AAAS: variants seen among roughly 807,000 people sequenced by gnomAD.
AAAS encodes the protein aladin WD repeat nucleoporin.
AAAS carries 60 observed loss-of-function variants against 75.6 expected under a neutral mutation model. The observed-to-expected ratio is 0.79, with a 90% CI of 0.64 to 0.98. The LOEUF is 0.98. AAAS is among the 50% of genes least tolerant of loss of function. The pLI, the probability that AAAS is intolerant of heterozygous loss-of-function variation, is 0.00. For missense variants in AAAS, 658 were observed against 686.9 expected (o/e 0.96, Z 0.47); for synonymous variants, 271 against 265.0 (o/e 1.02, Z -0.22).
chr12:53,314,407 G>A lies in AAAS; in HGVS notation c.580C>T (p.Arg194Ter), dbSNP rs750775106. The A allele has an allele frequency of 6.8e-6, 11 of 1,614,166 alleles. No individual in the cohort carries two copies. In the South Asian group the frequency reaches 9.9e-5, roughly 14 times the overall value. ...IVPSLKHRLQRNVASLAWKPL... is the reference protein window; with the variant it reads ...IVPSLKHRLQ The stretch of plus-strand genomic sequence containing the variant: ...TTCCAGGCCAGAGACGCCACATTTC[G>A]CTGCAGCCGGTGCTTCAGGGAGGGG... The change falls in exon 7 of 16, where the codon CGA becomes TGA. Residue 194 changes from arginine (R) to a stop codon, truncating the protein, a stop_gained. Coordinates refer to ENST00000209873, the MANE Select transcript of AAAS (RefSeq NM_015665.6). LOFTEE classifies it high-confidence loss of function.
intron 2 of AAAS, among the ~76,000 whole-genome samples, chr12:53,316,011 G>C (rs1297507548): frequency 6.6e-6 from 1 of 152,182 alleles, no homozygotes; most frequent in Non-Finnish European, 1.5e-5. Flanking sequence ...AGGACTTTTG[G>C]GGCTTTGTGA....
intron 5 of AAAS, 100 bp downstream of exon 5, chr12:53,314,994 G>A: frequency 6.7e-7 from 1 of 1,500,916 alleles, no homozygotes; most frequent in South Asian, 1.1e-5. Context: ...AGAATATGGT[G>A]AGCAATCAGA....
In AAAS at chr12:53,315,789, A is replaced by T. The variant is rs778189753; in HGVS notation, c.252-7T>A. On this transcript the variant is annotated splice_polypyrimidine_tract_variant and splice_region_variant and intron_variant, in intron 2 of 15. Transcript: ENST00000209873. ...AAAAAGGCCCACATCACGCCTGATA[A>T]GGGAGGAAAATGTGGGTCAGCTTAC... is the stretch of plus-strand genomic sequence containing the variant. 6.2e-7 allele frequency: 1 copy of T among 1,613,572 alleles called. No homozygotes were observed. The highest frequency in any genetic ancestry group is 2.2e-5 in the East Asian group (1 of 44,882).
At chr12:53,308,641 C>T in intron 11 of AAAS, 84 bp downstream of exon 11, 2 of 1,597,810 alleles carry the variant, frequency 1.3e-6, no homozygotes, top group Non-Finnish European at 1.7e-6. Flanking sequence ...TCTATATTTC[C>T]CTTTATCCCT....
intron 2 of AAAS, among the ~76,000 whole-genome samples, chr12:53,316,234 G>A (rs892197539): frequency 9.2e-5 from 14 of 152,034 alleles, no homozygotes; most frequent in Non-Finnish European, 1.6e-4. Context: ...GGTGGATCAC[G>A]AGGTCAGGAA....
In AAAS at chr12:53,321,412, T is replaced by C; in HGVS notation, c.54A>G (p.Leu18=). The change falls in exon 1 of 16, where the codon CTA becomes CTG. Residue 18 remains leucine (L), a synonymous_variant. Transcript: ENST00000209873. ...TCACCAGCTCGTTATTGTGCTCATA[T>C]AGGGTGACTTGACCCCGAGGCGGTG... is the stretch of plus-strand genomic sequence containing the variant. ...PPPPPRGQVT[L]YEHNNELVTG... is the part of the protein sequence containing the mutation. 6.2e-7 allele frequency: 1 copy of C among 1,614,196 alleles called. No homozygotes were observed. The highest frequency in any genetic ancestry group is 8.5e-7 in the Non-Finnish European group (1 of 1,180,042).
chr12:53,308,409 GC>G (rs754399014), intron 12 of AAAS, 25 bp downstream of exon 12: 1 of 1,614,028 alleles, frequency 6.2e-7, no homozygotes, highest in African/African-American at 1.3e-5. Flanking sequence ...GCTTTTCACT[GC>G]CACTCCCTCA....
intron 1 of AAAS, chr12:53,321,045 C>T (rs1944545861): frequency 5.4e-6 from 3 of 552,516 alleles, no homozygotes; most frequent in South Asian, 2.1e-5. Context: ...CCTTCTGATC[C>T]TCCCCAGATA....
intron 3 of AAAS, 69 bp downstream of exon 3, chr12:53,315,658 G>A (rs2136812544): frequency 1.3e-6 from 2 of 1,561,312 alleles, no homozygotes; most frequent in East Asian, 4.5e-5. Context: ...CAGGTGTCGG[G>A]GGTGAGTTCA....
rs754500686 is a variant in AAAS, at chr12:53,307,476, A to AACTT, written c.*9_*12dup. ...GTAACTGAGTGGAAAACAAAAGGAAAACTTATTTATTCTTAGAGGTGGGAA... is the reference window on the plus strand; with the variant it reads ...GTAACTGAGTGGAAAACAAAAGGAAAACTTACTTATTTATTCTTAGAGGTGGGAA... On this transcript the variant is annotated 3_prime_UTR_variant, in exon 16 of 16. Coordinates refer to ENST00000209873, the MANE Select transcript of AAAS (RefSeq NM_015665.6). The AACTT allele has an allele frequency of 4.4e-4, 702 of 1,606,038 alleles. No individual in the cohort carries two copies. The highest frequency in any genetic ancestry group is 5.5e-4 in the Non-Finnish European group (651 of 1,174,360).
At chr12:53,308,209 A>C in intron 13 of AAAS, 73 bp downstream of exon 13, 1 of 1,611,704 alleles carries the variant, frequency 6.2e-7, no homozygotes. Context: ...GGAGAACTCC[A>C]GGCCAGGGCA....
rs1944438791 is a variant in AAAS, at chr12:53,314,801, C to G, written c.495G>C (p.Lys165Asn). 1 of 1,613,834 alleles carries G rather than the reference C, an allele frequency of 6.2e-7. No homozygotes were observed. Among genetic ancestry groups the G allele is most frequent in the Admixed American group, 1.7e-5 (1 of 59,950 alleles). The change falls in exon 6 of 16, where the codon AAG (lysine) becomes AAC (asparagine). Residue 165 changes from lysine (K) to asparagine (N), a missense_variant. Coordinates refer to ENST00000209873, the MANE Select transcript of AAAS (RefSeq NM_015665.6). Reference sequence around the variant, plus strand: ...AGTCATCTAGCAGGGCCACTGCAAACTTGTTGGTGTGGGGGTGCCATGCAA... The same window carrying G: ...AGTCATCTAGCAGGGCCACTGCAAAGTTGTTGGTGTGGGGGTGCCATGCAA... Reference protein sequence around the residue: ...RVFAWHPHTNKFAVALLDDSV... With the variant: ...RVFAWHPHTNNFAVALLDDSV...
intron 8 of AAAS, 85 bp from the exon 9 acceptor site, chr12:53,309,366 C>T: frequency 5.0e-6 from 8 of 1,590,762 alleles, no homozygotes; most frequent in Non-Finnish European, 8.6e-7. Context: ...TACAAAGAGC[C>T]AGAAACGAGA....
At chr12:53,317,601 G>A (rs1592521487) in intron 2 of AAAS, among the ~76,000 whole-genome samples, 1 of 151,854 alleles carries the variant, frequency 6.6e-6, no homozygotes, top group Non-Finnish European at 1.5e-5. Context: ...AAATTAACCA[G>A]GCGTGGTGGT....
At chr12:53,320,853 T>C in intron 1 of AAAS, 161 bp from the exon 2 acceptor site, 2 of 773,246 alleles carry the variant, frequency 2.6e-6, no homozygotes, top group Non-Finnish European at 4.3e-6. Flanking sequence ...AAACAAGTCT[T>C]AGCTCCCGTA....
chr12:53,307,568 G>T lies in AAAS; in HGVS notation c.1562C>A (p.Thr521Lys), dbSNP rs753079470. 18 of 1,614,084 alleles carry T rather than the reference G, an allele frequency of 1.1e-5. No homozygotes were observed. The highest frequency in any genetic ancestry group is 1.5e-5 in the Non-Finnish European group (18 of 1,180,026). ...SIHDLPLFTE[T>K]SPTSAPWDPL... Reference sequence around the variant, plus strand: ...GTCCCAAGGGGCAGAGGTTGGGGATGTCTCAGTAAAGAGGGGCAGGTCATG... The same window carrying T: ...GTCCCAAGGGGCAGAGGTTGGGGATTTCTCAGTAAAGAGGGGCAGGTCATG... The change falls in exon 16 of 16, where the codon ACA (threonine) becomes AAA (lysine). Residue 521 changes from threonine (T) to lysine (K), a missense_variant. By Grantham distance (78) the Thr-to-Lys change is moderately conservative (BLOSUM62 -1). Transcript: ENST00000209873.
Position 53,316,927 on chromosome 12 carries a change from A to G in AAAS, c.252-1145T>C, listed in dbSNP as rs115260274. Among the ~76,000 whole-genome samples, 523 of 151,696 alleles carry G rather than the reference A, an allele frequency of 3.4e-3. 1 individual carries two copies. Among genetic ancestry groups the G allele is most frequent in the African/African-American group, 0.012 (496 of 41,336 alleles). ...AAATGCTGTCTCTACAAAAAAAAAT[A>G]CAAAACTTAGGCAGGTGTGGTGGCA... On this transcript the variant is annotated intron_variant, in intron 2 of 15. Coordinates refer to ENST00000209873, the MANE Select transcript of AAAS (RefSeq NM_015665.6).
intron 2 of AAAS, among the ~76,000 whole-genome samples, chr12:53,318,075 C>A (rs747681540): frequency 6.6e-6 from 1 of 152,156 alleles, no homozygotes; most frequent in Non-Finnish European, 1.5e-5. Flanking sequence ...GTGACCCAGG[C>A]TGGAGTGCAA....
rs183439765 is a variant in AAAS, at chr12:53,319,600, G to T, written c.251+965C>A. ...GCCAAGGCAGGCCTGAGGTCAGGAG[G>T]CCAGACCACCCTGGCCAACATGGTG... On this transcript the variant is annotated intron_variant, in intron 2 of 15. Transcript: ENST00000209873. Among the ~76,000 whole-genome samples, 842 of 136,464 alleles carry T rather than the reference G, an allele frequency of 6.2e-3. 8 individuals are homozygous for T. Among genetic ancestry groups the T allele is most frequent in the African/African-American group, 0.021 (796 of 37,428 alleles). The allele number at this position is 136,464 out of a possible 152,430, so 89.5% of individuals were successfully genotyped here.
Sources: gnomAD v4.1 joint callset for allele counts (sites outside exome capture counted in the v4.1 genomes callset) on GRCh38, gnomAD v4.1.1 for gene constraint, MANE v1.5 for transcripts, NCBI Gene and HGNC (gene_info 2026-07-23, HGNC 2026-07-21) for gene names.